Variants in OCA2 observed in about 807,000 individuals in gnomAD.
The protein encoded by OCA2 is P protein.
In OCA2, 77 loss-of-function variants were observed where a neutral mutation model predicts 100.2. The observed-to-expected ratio is 0.77, with a 90% CI of 0.64 to 0.93. OCA2 has a LOEUF of 0.93. Ranked by LOEUF, OCA2 falls within the 40% of genes least tolerant of loss-of-function variation. The pLI is 0.00. For synonymous variants in OCA2, 432 were observed against 439.2 expected, an observed-to-expected ratio of 0.98 and a Z score of 0.21; for missense variants, 1,062 against 1,089.1, an observed-to-expected ratio of 0.98 and a Z score of 0.35.
At chr15:28,079,755 AC>A (rs1258406745) in intron 2 of OCA2, among the ~76,000 whole-genome samples, 3 of 151,250 alleles carry the variant, frequency 2.0e-5, no homozygotes, top group Non-Finnish European at 4.4e-5. Context: ...CCATCCCGAC[AC>A]CCCCTCCCCG....
At chr15:27,978,377 T>G (rs946515007) in intron 14 of OCA2, among the ~76,000 whole-genome samples, 2 of 152,190 alleles carry the variant, frequency 1.3e-5, no homozygotes, top group Non-Finnish European at 1.5e-5. Context: ...TTTCAATTAT[T>G]GTGAGAATTG....
At chr15:27,721,540 A>G in the OCA2 span, among the ~76,000 whole-genome samples, 1 of 152,246 alleles carries the variant, frequency 6.6e-6, no homozygotes, top group Non-Finnish European at 1.5e-5. Flanking sequence ...GCTGCACTTC[A>G]CTGTAATGAA....
chr15:27,837,024 A>G (rs7164946), intron 23 of OCA2, among the ~76,000 whole-genome samples: 105,068 of 152,148 alleles, frequency 0.69, 38,052 homozygotes, highest in East Asian at 0.96. Context: ...AGTATAAATC[A>G]GCATTATCAA....
chr15:27,989,471 A>G, intron 11 of OCA2, 130 bp downstream of exon 11: 1 of 766,122 alleles, frequency 1.3e-6, no homozygotes, highest in Non-Finnish European at 2.3e-6. Context: ...TGAGACCTGC[A>G]CTAACACTTC....
chr15:27,823,519 A>G (rs953155447), intron 23 of OCA2, among the ~76,000 whole-genome samples: 3 of 152,348 alleles, frequency 2.0e-5, no homozygotes, highest in South Asian at 4.1e-4. Flanking sequence ...TGCCATGTTT[A>G]CCTCATGCTA....
rs1414406881 is a variant in OCA2, at chr15:27,926,126, C to A, written c.2079+1G>T. On this transcript the variant is annotated splice_donor_variant, in intron 19 of 23. Coordinates refer to ENST00000354638, the MANE Select transcript of OCA2 (RefSeq NM_000275.3). LOFTEE classifies it high-confidence loss of function. ...ATATGGCAAAAGTTCTAAAATCTTA[C>A]CTCCATCAGAACAAAGAGCGCTGCA... 6.2e-7 allele frequency: 1 copy of A among 1,613,952 alleles called. No individual in the cohort carries two copies. The highest frequency in any genetic ancestry group is 1.3e-5 in the African/African-American group (1 of 74,926).
chr15:27,851,037 G>C (rs1334701975), intron 22 of OCA2, among the ~76,000 whole-genome samples: 1 of 152,210 alleles, frequency 6.6e-6, no homozygotes, highest in Admixed American at 6.5e-5. Context: ...CACTGCTTAA[G>C]AGAGAAAGAG....
intron 19 of OCA2, among the ~76,000 whole-genome samples, chr15:27,904,638 G>A (rs1216450144): frequency 6.6e-6 from 1 of 152,068 alleles, no homozygotes; most frequent in Non-Finnish European, 1.5e-5. Context: ...TCCTTCTACT[G>A]CCAACAGTCT....
In OCA2 at chr15:27,851,175, G is replaced by A. The variant is rs1874841; in HGVS notation, c.2338+207C>T. Among the ~76,000 whole-genome samples the A allele has an allele frequency of 0.23, 35,383 of 152,200 alleles. 4,955 individuals are homozygous for A. Among genetic ancestry groups the A allele is most frequent in the East Asian group, 0.56 (2,896 of 5,174 alleles). On this transcript the variant is annotated intron_variant, in intron 22 of 23. Transcript: ENST00000354638. ...CCAGTCATCCCCAGGCAATGGGCCC[G>A]GGAAGTCGGGGGCAGCTCTGCAGAG...
chr15:27,757,719 A>T (rs2030498347), intron 23 of OCA2, among the ~76,000 whole-genome samples: 1 of 152,142 alleles, frequency 6.6e-6, no homozygotes, highest in African/African-American at 2.4e-5. Flanking sequence ...CCATGAGTTC[A>T]CTCTTATAAA....
At chr15:27,786,612 T>C (rs976399630) in intron 23 of OCA2, among the ~76,000 whole-genome samples, 1 of 152,158 alleles carries the variant, frequency 6.6e-6, no homozygotes, top group Non-Finnish European at 1.5e-5. Flanking sequence ...TATACAGCAA[T>C]ACAGTAGAAT....
chr15:27,731,425 G>C, the OCA2 span, among the ~76,000 whole-genome samples: 1 of 152,200 alleles, frequency 6.6e-6, no homozygotes, highest in African/African-American at 2.4e-5. Flanking sequence ...AGAATGAAAT[G>C]TTGATGGTAT....
intron 10 of OCA2, 121 bp downstream of exon 10, chr15:27,990,455 C>T: frequency 5.0e-6 from 5 of 999,972 alleles, no homozygotes; most frequent in Non-Finnish European, 8.0e-6. Flanking sequence ...GGTTCTTGGG[C>T]AAAAACATGG....
chr15:27,932,442 T>C (rs913523202), intron 18 of OCA2, among the ~76,000 whole-genome samples: 3 of 145,390 alleles, frequency 2.1e-5, no homozygotes, highest in Non-Finnish European at 4.5e-5. Context: ...TTTGTGAAAC[T>C]GAGATATTCA....
At chr15:28,067,216 A>T (rs972234050) in intron 2 of OCA2, among the ~76,000 whole-genome samples, 7 of 152,200 alleles carry the variant, frequency 4.6e-5, no homozygotes, top group African/African-American at 1.7e-4. Flanking sequence ...TATAGACTCA[A>T]TGCCATTCCA....
At chr15:27,868,115 G>A (rs1312346143) in intron 21 of OCA2, among the ~76,000 whole-genome samples, 3 of 152,174 alleles carry the variant, frequency 2.0e-5, no homozygotes, top group Non-Finnish European at 4.4e-5. Flanking sequence ...CTGACATGCA[G>A]CTTTTTAGGC....
chr15:27,967,887 G>A (rs1170566552), intron 14 of OCA2, among the ~76,000 whole-genome samples: 1 of 152,042 alleles, frequency 6.6e-6, no homozygotes, highest in Non-Finnish European at 1.5e-5. Context: ...ATCATTGGTT[G>A]GTTCTGTTCT....
chr15:27,925,304 C>T (rs565733956), intron 19 of OCA2, among the ~76,000 whole-genome samples: 7 of 152,226 alleles, frequency 4.6e-5, no homozygotes, highest in African/African-American at 1.7e-4. Flanking sequence ...GTAGAATATT[C>T]TCCAAGACAG....
rs1475598526 is a variant in OCA2 at position 27,932,698 on chromosome 15, T to A, written c.1952-6444A>T. 1.1e-4 allele frequency among the ~76,000 whole-genome samples: 17 copies of A among 152,258 alleles called. No individual in the cohort carries two copies. The East Asian group carries it at 3.3e-3, about 29-fold the overall frequency. On this transcript the variant is annotated intron_variant, in intron 18 of 23. Coordinates refer to ENST00000354638, the MANE Select transcript of OCA2 (RefSeq NM_000275.3). ...TTTTTGTTGTGGTGGTTTGTTTGCT[T>A]TTAGCTCCTGGAATTCAAATCAATC...
Sources: gnomAD v4.1 joint callset for allele counts (sites outside exome capture counted in the v4.1 genomes callset) on GRCh38, gnomAD v4.1.1 for gene constraint, MANE v1.5 for transcripts, NCBI Gene and HGNC (gene_info 2026-07-23, HGNC 2026-07-21) for gene names.